The following HUWE1 variants were observed in gnomAD, a reference collection of about 807,000 sequenced individuals.
The protein encoded by HUWE1 is E3 ubiquitin-protein ligase HUWE1.
In HUWE1, 18 loss-of-function variants were observed where a neutral mutation model predicts 299.4. The ratio of observed to expected loss-of-function variants is 0.06; its 90% CI spans 0.04 to 0.09. The LOEUF is 0.09. Ranked by LOEUF, HUWE1 falls within the 10% of genes least tolerant of loss-of-function variation. The pLI is 1.00. For synonymous variants in HUWE1, 1,317 were observed against 1,286.1 expected (o/e 1.02, Z -0.51); for missense variants, 1,832 against 3,462.3 (o/e 0.53, Z 11.82).
At chrX:53,628,424 C>T (rs2086173534) in intron 15 of HUWE1, 69 bp downstream of exon 15, 17 of 1,066,396 alleles carry the variant, frequency 1.6e-5, no homozygotes, top group Non-Finnish European at 2.1e-5. Context: ...ACACCCCAAA[C>T]TTGCATCTCT....
intron 29 of HUWE1, 149 bp from the exon 30 acceptor site, chrX:53,595,552 C>A: frequency 1.9e-6 from 1 of 520,636 alleles, no homozygotes. Context: ...ATTCAATAAT[C>A]CAAAAAGGAA....
intron 76 of HUWE1, 103 bp downstream of exon 76, chrX:53,538,720 ACACACTCTCTCT>A (rs1445830533): frequency 1.8e-5 from 10 of 564,241 alleles, no homozygotes; most frequent in African/African-American, 7.7e-5. Context: ...ACACACACAC[ACACACTCTCTCT>A]CTCTCTCTCT....
At chrX:53,563,946 G>T in intron 51 of HUWE1, 125 bp from the exon 52 acceptor site, 1 of 755,840 alleles carries the variant, frequency 1.3e-6, no homozygotes, top group Non-Finnish European at 2.0e-6. Flanking sequence ...AGGATGTTAC[G>T]TGAAACCACA....
At chrX:53,661,090 A>G (rs782794055) in intron 3 of HUWE1, among the ~76,000 whole-genome samples, 32 of 100,944 alleles carry the variant, frequency 3.2e-4, no homozygotes, top group African/African-American at 1.2e-3. Flanking sequence ...GCTGGAGTGC[A>G]GTGGCGCAAT....
chrX:53,603,220 T>C (rs1368090869), intron 27 of HUWE1, 148 bp downstream of exon 27: 4 of 541,070 alleles, frequency 7.4e-6, no homozygotes, highest in Admixed American at 6.3e-5. Context: ...CGACAAAGCA[T>C]TTGTCATCAA....
At chrX:53,612,099 A>C (rs974627474) in intron 23 of HUWE1, among the ~76,000 whole-genome samples, 10 of 111,694 alleles carry the variant, frequency 9.0e-5, no homozygotes, top group Non-Finnish European at 1.7e-4. Context: ...TGCCTGGGAT[A>C]GAAGATAAAA....
At position 53,532,975 on chromosome X, in the gene HUWE1, C is replaced by CAA; in HGVS notation, c.*332_*333dup. On this transcript the variant is annotated 3_prime_UTR_variant, in exon 84 of 84. Coordinates refer to ENST00000262854, the MANE Select transcript of HUWE1 (RefSeq NM_031407.7). ...CCAAAGGTTTCAAGTCTCAATGCAGCAAATCCTTCTGAACACAGAATCTGA... is the reference window on the plus strand; with the variant it reads ...CCAAAGGTTTCAAGTCTCAATGCAGCAAAAATCCTTCTGAACACAGAATCTGA... The CAA allele has an allele frequency of 6.2e-6, 1 of 160,830 alleles. No homozygotes were observed. The highest frequency in any genetic ancestry group is 2.6e-4 in the South Asian group (1 of 3,909). The allele number at this position is 160,830 out of a possible 1,213,427, so 13.3% of individuals were successfully genotyped here. A position where few individuals can be genotyped will look rare whatever the true frequency, so the allele number is the denominator to read the frequency against.
chrX:53,555,767 G>A (rs1461884728), intron 60 of HUWE1, among the ~76,000 whole-genome samples: 2 of 107,694 alleles, frequency 1.9e-5, no homozygotes, highest in East Asian at 5.8e-4. Flanking sequence ...TCAGCCTCCT[G>A]AGTAGCTGGG....
Position 53,566,164 on chromosome X carries a change from T to TGC in HUWE1, c.6708-927_6708-926dup, listed in dbSNP as rs2062556424. On this transcript the variant is annotated intron_variant, in intron 49 of 83. Coordinates refer to ENST00000262854, the MANE Select transcript of HUWE1 (RefSeq NM_031407.7). ...ATATATATATATATATATATATATA[T>TGC]GCTCACTAGTAGTACCAAGATGGCA... 1.5e-4 allele frequency among the ~76,000 whole-genome samples: 14 copies of TGC among 96,270 alleles called. No homozygotes were observed. In the Admixed American group the frequency reaches 1.7e-3, roughly 11 times the overall value. 83.6% of individuals were successfully genotyped at this position (96,270 alleles called of 115,157 possible). A position where few individuals can be genotyped will look rare whatever the true frequency, so the allele number is the denominator to read the frequency against.
intron 55 of HUWE1, among the ~76,000 whole-genome samples, chrX:53,560,832 C>G (rs967836085): frequency 8.9e-6 from 1 of 111,816 alleles, no homozygotes; most frequent in Non-Finnish European, 1.9e-5. Context: ...TGCTCTCTTA[C>G]TATAGTGCAA....
At chrX:53,629,019 AG>A in intron 13 of HUWE1, 117 bp from the exon 14 acceptor site, 1 of 588,856 alleles carries the variant, frequency 1.7e-6, no homozygotes, top group East Asian at 3.6e-5. Flanking sequence ...TAACTGCTTG[AG>A]GGGATGGAGG....
At chrX:53,684,961 C>T (rs2070385514) in intron 2 of HUWE1, among the ~76,000 whole-genome samples, 1 of 111,680 alleles carries the variant, frequency 9.0e-6, no homozygotes, top group Admixed American at 9.5e-5. Flanking sequence ...AGGAGTCTGC[C>T]CTCAAAGGAA....
intron 3 of HUWE1, among the ~76,000 whole-genome samples, chrX:53,662,711 T>C (rs1557046040): frequency 8.9e-6 from 1 of 112,113 alleles, no homozygotes; most frequent in Non-Finnish European, 1.9e-5. Flanking sequence ...TCAGCACACA[T>C]ATATTACTTG....
At chrX:53,673,424 G>A (rs782620908) in intron 3 of HUWE1, among the ~76,000 whole-genome samples, 3 of 111,326 alleles carry the variant, frequency 2.7e-5, no homozygotes, top group East Asian at 2.8e-4. Context: ...ATCCATTCAT[G>A]TTCCATACAC....
At chrX:53,569,575 A>G (rs782040441) in intron 48 of HUWE1, 41 bp downstream of exon 48, 1 of 1,132,570 alleles carries the variant, frequency 8.8e-7, no homozygotes, top group Non-Finnish European at 1.2e-6. Context: ...GAATAAGGGG[A>G]TGTTCTTGGC....
Position 53,576,816 on chromosome X carries a change from C to T in HUWE1, c.5884+84G>A. On this transcript the variant is annotated intron_variant, in intron 44 of 83. Coordinates refer to ENST00000262854, the MANE Select transcript of HUWE1 (RefSeq NM_031407.7). The stretch of plus-strand genomic sequence containing the variant: ...AGTATGGGCACATAGTGAGTGCTCA[C>T]TAAGCCATGAGTTGGCTGAAATGAC... The T allele has an allele frequency of 5.0e-6, 5 of 998,822 alleles. No individual in the cohort carries two copies. The South Asian group carries it at 9.8e-5, about 19-fold the overall frequency. The allele number at this position is 998,822 out of a possible 1,213,427, so 82.3% of individuals were successfully genotyped here.
At chrX:53,684,764 G>GA (rs1569517826) in intron 2 of HUWE1, among the ~76,000 whole-genome samples, 1 of 111,624 alleles carries the variant, frequency 9.0e-6, no homozygotes, top group African/African-American at 3.3e-5. Flanking sequence ...ATTAGATAGG[G>GA]AAAAAAATTT....
At chrX:53,632,113 T>TAA in intron 9 of HUWE1, 1 of 334,506 alleles carries the variant, frequency 3.0e-6, no homozygotes, top group Non-Finnish European at 5.5e-6. Context: ...CCAGATAATT[T>TAA]AAGCAGGACA....
intron 43 of HUWE1, among the ~76,000 whole-genome samples, chrX:53,578,211 G>A (rs1412266378): frequency 2.9e-5 from 3 of 103,989 alleles, no homozygotes; most frequent in African/African-American, 7.1e-5. Flanking sequence ...CTGCTGGGCC[G>A]CAACCCTGTC....
Sources: allele counts gnomAD v4.1 joint callset (sites outside exome capture counted in the v4.1 genomes callset), GRCh38; gene constraint gnomAD v4.1.1; transcripts MANE v1.5; gene names NCBI Gene and HGNC (gene_info 2026-07-23, HGNC 2026-07-21).